Variants in HEMK2 observed in about 807,000 individuals in gnomAD.
The protein encoded by HEMK2 is HemK methyltransferase 2, ETF1 glutamine and histone H4 lysine.
chr21:28,765,708 G>A, the HEMK2 span, among the ~76,000 whole-genome samples: 1 of 151,968 alleles, frequency 6.6e-6, no homozygotes, highest in African/African-American at 2.4e-5. Context: ...AACTTGACAA[G>A]TCTTACTGTG....
At chr21:28,782,944 T>A in the HEMK2 span, among the ~76,000 whole-genome samples, 2 of 152,252 alleles carry the variant, frequency 1.3e-5, no homozygotes, top group Non-Finnish European at 2.9e-5. Context: ...TTGACCAGTA[T>A]GTAAAATGTT....
At chr21:28,591,430 T>C in the HEMK2 span, among the ~76,000 whole-genome samples, 1 of 152,310 alleles carries the variant, frequency 6.6e-6, no homozygotes, top group Admixed American at 6.5e-5. Context: ...AGGTGGTGAC[T>C]TTGAAGAATT....
At chr21:28,820,916 C>T in the HEMK2 span, among the ~76,000 whole-genome samples, 11,712 of 152,186 alleles carry the variant, frequency 0.077, 486 homozygotes, top group Middle Eastern at 0.11. Context: ...AGTGGTTTCT[C>T]GACACGTACA....
At chr21:28,636,857 A>G in the HEMK2 span, among the ~76,000 whole-genome samples, 7 of 152,196 alleles carry the variant, frequency 4.6e-5, no homozygotes, top group Non-Finnish European at 1.0e-4. Flanking sequence ...TCCCTCATAC[A>G]GCATTGCTTG....
the HEMK2 span, among the ~76,000 whole-genome samples, chr21:28,671,469 A>G: frequency 2.0e-5 from 3 of 152,212 alleles, no homozygotes; most frequent in African/African-American, 7.2e-5. Context: ...TCATATATCC[A>G]GCCTTAGAGG....
chr21:28,879,174 T>C, the HEMK2 span, among the ~76,000 whole-genome samples: 3 of 150,784 alleles, frequency 2.0e-5, no homozygotes, highest in East Asian at 2.0e-4. Context: ...AGCTTCCACC[T>C]TGTGGGCTCA....
chr21:28,605,114 G>A, the HEMK2 span, among the ~76,000 whole-genome samples: 22,543 of 152,166 alleles, frequency 0.15, 2,089 homozygotes, highest in Non-Finnish European at 0.2. Context: ...TCAGGCCTTG[G>A]TCTGCTCTTG....
At chr21:28,661,014 T>C in the HEMK2 span, among the ~76,000 whole-genome samples, 1 of 152,122 alleles carries the variant, frequency 6.6e-6, no homozygotes, top group Admixed American at 6.6e-5. Flanking sequence ...CCAAGTTTAT[T>C]GGACTTGGGT....
At chr21:28,615,318 T>TCCCTCCTTCCCCTTTTCC in the HEMK2 span, among the ~76,000 whole-genome samples, 1 of 151,894 alleles carries the variant, frequency 6.6e-6, no homozygotes, top group African/African-American at 2.4e-5. Context: ...TTTCCTTTCC[T>TCCCTCCTTCCCCTTTTCC]CCCTCCTTCC....
chr21:28,807,129 G>A, the HEMK2 span, among the ~76,000 whole-genome samples: 1 of 152,010 alleles, frequency 6.6e-6, no homozygotes, highest in Non-Finnish European at 1.5e-5. Context: ...ACCACTTCCC[G>A]AGCTCCAGAA....
chr21:28,678,603 A>G, the HEMK2 span, among the ~76,000 whole-genome samples: 1 of 152,220 alleles, frequency 6.6e-6, no homozygotes, highest in Admixed American at 6.5e-5. Flanking sequence ...CAGATTCACC[A>G]AAGTTGAAAT....
chr21:28,717,555 C>T, the HEMK2 span, among the ~76,000 whole-genome samples: 1 of 148,278 alleles, frequency 6.7e-6, no homozygotes, highest in Non-Finnish European at 1.5e-5. Flanking sequence ...TCTCGGCTCA[C>T]AGCAACATCC....
chr21:28,767,960 T>C, the HEMK2 span, among the ~76,000 whole-genome samples: 5 of 151,986 alleles, frequency 3.3e-5, no homozygotes, highest in African/African-American at 7.2e-5. Context: ...ACCCCCCTTT[T>C]TTTGTTTCAG....
the HEMK2 span, among the ~76,000 whole-genome samples, chr21:28,652,980 T>C: frequency 6.6e-6 from 1 of 152,170 alleles, no homozygotes; most frequent in Non-Finnish European, 1.5e-5. Flanking sequence ...GTTCCTTTCC[T>C]AGAAAGTTCT....
At chr21:28,653,938 CT>C in the HEMK2 span, among the ~76,000 whole-genome samples, 2 of 152,138 alleles carry the variant, frequency 1.3e-5, no homozygotes, top group Non-Finnish European at 2.9e-5. Flanking sequence ...AAGTCATTAG[CT>C]TTAAGTCAAA....
At chr21:28,773,663 AG>A in the HEMK2 span, among the ~76,000 whole-genome samples, 152,237 of 152,240 alleles carry the variant, frequency 1, 76,117 homozygotes, top group Middle Eastern at 1. Context: ...CAAGGTCTCT[AG>A]GCCATGCATG....
At chr21:28,611,103 A>ATGTAAAT in the HEMK2 span, among the ~76,000 whole-genome samples, 3 of 152,238 alleles carry the variant, frequency 2.0e-5, no homozygotes, top group African/African-American at 7.2e-5. Context: ...TTTACATTCT[A>ATGTAAAT]TCCATCAGCA....
the HEMK2 span, among the ~76,000 whole-genome samples, chr21:28,864,699 C>T: frequency 6.6e-6 from 1 of 152,156 alleles, no homozygotes; most frequent in Non-Finnish European, 1.5e-5. Flanking sequence ...TACTCTCCCT[C>T]CACAAAGCTT....
the HEMK2 span, among the ~76,000 whole-genome samples, chr21:28,579,872 T>C: frequency 6.6e-6 from 1 of 152,216 alleles, no homozygotes; most frequent in South Asian, 2.1e-4. Flanking sequence ...CTGAACTTTC[T>C]GTGAAAAAGC....
Sources: allele counts gnomAD v4.1 joint callset (sites outside exome capture counted in the v4.1 genomes callset), GRCh38; gene constraint gnomAD v4.1.1; transcripts MANE v1.5; gene names NCBI Gene and HGNC (gene_info 2026-07-23, HGNC 2026-07-21).